The following ABLIM3 variants were observed in gnomAD, a reference collection of about 807,000 sequenced individuals.
ABLIM3 encodes the protein actin-binding LIM protein 3.
In ABLIM3, 61 loss-of-function variants were observed where a neutral mutation model predicts 109.5. The observed-to-expected ratio is 0.56, with a 90% CI of 0.45 to 0.69. The LOEUF is 0.69. Ranked by LOEUF, ABLIM3 falls within the 30% of genes least tolerant of loss-of-function variation. ABLIM3 has a pLI of 0.00. For synonymous variants in ABLIM3, 300 were observed against 324.8 expected (o/e 0.92, Z 0.82); for missense variants, 796 against 889.5 (o/e 0.89, Z 1.34).
chr5:149,167,748 A>G (rs925033107), intron 2 of ABLIM3, among the ~76,000 whole-genome samples: 5 of 152,212 alleles, frequency 3.3e-5, no homozygotes, highest in Non-Finnish European at 7.3e-5. Context: ...GGAAATAAAC[A>G]TTAAGCAAAT....
chr5:149,246,374 A>G, intron 16 of ABLIM3, 108 bp from the exon 17 acceptor site: 1 of 1,058,844 alleles, frequency 9.4e-7, no homozygotes, highest in South Asian at 1.6e-5. Flanking sequence ...ATTGAAAAAT[A>G]AGATTAAAAA....
chr5:149,249,886 G>T, intron 19 of ABLIM3, 42 bp downstream of exon 19: 1 of 1,610,802 alleles, frequency 6.2e-7, no homozygotes, highest in Non-Finnish European at 8.5e-7. Context: ...CATGTCCCAT[G>T]AGGGACAGAG....
At position 149,207,236 on chromosome 5, in the gene ABLIM3, T is replaced by G. The variant is rs1759079996; in HGVS notation, c.575+102T>G. ...CATCTCCAGCATCATCTCCCTTCCT[T>G]TCCGTCTGCTGCTGCATTCTGGCCA... is the stretch of plus-strand genomic sequence containing the variant. On this transcript the variant is annotated intron_variant, in intron 6 of 23. Transcript: ENST00000309868. 3 of 1,475,382 alleles carry G rather than the reference T, an allele frequency of 2.0e-6. No individual in the cohort carries two copies. In the East Asian group the frequency reaches 7.4e-5, roughly 36 times the overall value. The allele number at this position is 1,475,382 out of a possible 1,614,324, so 91.4% of individuals were successfully genotyped here. A position where few individuals can be genotyped will look rare whatever the true frequency, so the allele number is the denominator to read the frequency against.
At chr5:149,250,528 G>T in intron 20 of ABLIM3, 23 bp downstream of exon 20, 1 of 1,613,924 alleles carries the variant, frequency 6.2e-7, no homozygotes, top group Non-Finnish European at 8.5e-7. Context: ...GCTGGAGGAT[G>T]GGGGAGGACG....
At chr5:149,153,045 G>C (rs564777542) in intron 2 of ABLIM3, among the ~76,000 whole-genome samples, 1 of 152,140 alleles carries the variant, frequency 6.6e-6, no homozygotes, top group South Asian at 2.1e-4. Context: ...ACGCATTCAT[G>C]AAAAGCCCAC....
intron 2 of ABLIM3, among the ~76,000 whole-genome samples, chr5:149,158,047 C>T (rs575183919): frequency 6.6e-6 from 1 of 152,302 alleles, no homozygotes; most frequent in East Asian, 1.9e-4. Flanking sequence ...ACCCTGCTAC[C>T]TCTCATTCAC....
At chr5:149,238,524 A>G (rs1171324085) in intron 11 of ABLIM3, among the ~76,000 whole-genome samples, 2 of 152,172 alleles carry the variant, frequency 1.3e-5, no homozygotes, top group African/African-American at 4.8e-5. Flanking sequence ...TCAGTTAGAG[A>G]TGGCAAACCA....
intron 17 of ABLIM3, 112 bp from the exon 18 acceptor site, chr5:149,247,670 C>A: frequency 7.1e-7 from 1 of 1,403,582 alleles, no homozygotes. Context: ...GGAAGGCAAA[C>A]ATGAGAGCAG....
At chr5:149,148,717 T>C (rs1443766775) in intron 2 of ABLIM3, among the ~76,000 whole-genome samples, 1 of 152,226 alleles carries the variant, frequency 6.6e-6, no homozygotes, top group Non-Finnish European at 1.5e-5. Flanking sequence ...GCTCCTGGCC[T>C]TGCTGACCAG....
chr5:149,192,042 T>C (rs1381918104), intron 3 of ABLIM3, among the ~76,000 whole-genome samples: 2 of 152,092 alleles, frequency 1.3e-5, no homozygotes, highest in Admixed American at 6.5e-5. Context: ...AATTGATAGA[T>C]TATGTATACA....
intron 8 of ABLIM3, chr5:149,217,938 G>T (rs1224783591): frequency 6.6e-6 from 1 of 152,280 alleles, no homozygotes; most frequent in East Asian, 1.9e-4. Flanking sequence ...CCCTGAAGGA[G>T]ATGGGCATTA....
chr5:149,245,887 G>T (rs1421537076), intron 16 of ABLIM3, among the ~76,000 whole-genome samples: 2 of 152,216 alleles, frequency 1.3e-5, no homozygotes, highest in Non-Finnish European at 2.9e-5. Flanking sequence ...TTGGTGCTGG[G>T]CACAGTGGCT....
intron 8 of ABLIM3, among the ~76,000 whole-genome samples, chr5:149,224,366 T>A (rs2127536309): frequency 6.6e-6 from 1 of 152,318 alleles, no homozygotes; most frequent in Middle Eastern, 3.4e-3. Context: ...ACCAGCCTCA[T>A]GGTAACTAAA....
chr5:149,197,199 C>A (rs1758060082), intron 3 of ABLIM3, among the ~76,000 whole-genome samples: 1 of 152,224 alleles, frequency 6.6e-6, no homozygotes, highest in East Asian at 1.9e-4. Context: ...CTTCCTCCAA[C>A]TGGTCTGCAC....
At chr5:149,258,178 G>T in intron 23 of ABLIM3, 113 bp from the exon 24 acceptor site, 1 of 816,358 alleles carries the variant, frequency 1.2e-6, no homozygotes, top group Non-Finnish European at 1.9e-6. Context: ...GGCACAGGGT[G>T]CCCAGAGGGA....
intron 21 of ABLIM3, 59 bp downstream of exon 21, chr5:149,251,478 A>T: frequency 6.3e-7 from 1 of 1,583,986 alleles, no homozygotes; most frequent in Non-Finnish European, 8.6e-7. Context: ...ACCACTCAAA[A>T]CTGCAGCTTG....
intron 3 of ABLIM3, among the ~76,000 whole-genome samples, chr5:149,190,878 C>G (rs938191323): frequency 2.0e-5 from 3 of 152,058 alleles, no homozygotes; most frequent in African/African-American, 7.2e-5. Context: ...TAATGAAAAT[C>G]AGAAAACTCT....
intron 7 of ABLIM3, among the ~76,000 whole-genome samples, 197 bp downstream of exon 7, chr5:149,211,016 A>C (rs1759494367): frequency 6.6e-6 from 1 of 152,092 alleles, no homozygotes; most frequent in African/African-American, 2.4e-5. Context: ...AGGTAGACAA[A>C]ATTCTTCCTG....
Position 149,166,469 on chromosome 5 carries a change from A to G in ABLIM3, c.14-16983A>G, listed in dbSNP as rs556237561. On this transcript the variant is annotated intron_variant, in intron 2 of 23. Transcript: ENST00000309868. Reference sequence around the variant, plus strand: ...TGGGAAATTTTCTCCTGTATGTTCCATCCTCTTCAGCATTCCAAAATGGGT... The same window carrying G: ...TGGGAAATTTTCTCCTGTATGTTCCGTCCTCTTCAGCATTCCAAAATGGGT... Among the ~76,000 whole-genome samples, 6 of 152,260 alleles carry G rather than the reference A, an allele frequency of 3.9e-5. No individual in the cohort carries two copies. The East Asian group carries it at 9.6e-4, about 24-fold the overall frequency.
Sources: allele counts gnomAD v4.1 joint callset (sites outside exome capture counted in the v4.1 genomes callset), GRCh38; gene constraint gnomAD v4.1.1; transcripts MANE v1.5; gene names NCBI Gene and HGNC (gene_info 2026-07-23, HGNC 2026-07-21).